The following CHST11 variants were observed in gnomAD, a reference collection of about 807,000 sequenced individuals.
The protein encoded by CHST11 is carbohydrate sulfotransferase 11.
In CHST11, 9 loss-of-function variants were observed where a neutral mutation model predicts 30.4. The ratio of observed to expected loss-of-function variants is 0.30; its 90% CI spans 0.18 to 0.52. The LOEUF (loss-of-function observed/expected upper bound fraction) is 0.52. Ranked by LOEUF, CHST11 falls within the 20% of genes least tolerant of loss-of-function variation. The probability of loss-of-function intolerance (pLI) is 0.97; values close to 1 mark genes in which losing one functional copy is unlikely to be tolerated. For missense variants in CHST11, 348 were observed against 460.6 expected, an observed-to-expected ratio of 0.76 and a Z score of 2.24; for synonymous variants, 152 against 187.8, an observed-to-expected ratio of 0.81 and a Z score of 1.56.
At chr12:104,646,368 A>T (rs1592814350) in intron 2 of CHST11, among the ~76,000 whole-genome samples, 1 of 152,132 alleles carries the variant, frequency 6.6e-6, no homozygotes, top group East Asian at 1.9e-4. Flanking sequence ...TTCTCAGGGT[A>T]CCTTTCCCTA....
chr12:104,630,470 G>A (rs771948475), intron 2 of CHST11, among the ~76,000 whole-genome samples: 2 of 152,358 alleles, frequency 1.3e-5, no homozygotes, highest in Non-Finnish European at 2.9e-5. Flanking sequence ...CTCCAGCCGA[G>A]CCAGTGGGCT....
At chr12:104,510,705 G>T (rs907053041) in intron 1 of CHST11, among the ~76,000 whole-genome samples, 2 of 152,178 alleles carry the variant, frequency 1.3e-5, no homozygotes, top group Non-Finnish European at 2.9e-5. Context: ...GTCTTGTTTG[G>T]CAGACAAAGC....
At chr12:104,655,188 G>T (rs900301453) in intron 2 of CHST11, among the ~76,000 whole-genome samples, 1 of 152,256 alleles carries the variant, frequency 6.6e-6, no homozygotes, top group South Asian at 2.1e-4. Flanking sequence ...GTTTCTGCAT[G>T]CCTTGCTTTT....
chr12:104,647,032 A>G (rs1348155364), intron 2 of CHST11, among the ~76,000 whole-genome samples: 1 of 152,172 alleles, frequency 6.6e-6, no homozygotes, highest in Non-Finnish European at 1.5e-5. Flanking sequence ...TCTCACATAC[A>G]CTTTTAATGA....
intron 2 of CHST11, among the ~76,000 whole-genome samples, chr12:104,618,224 C>CTT (rs1375360622): frequency 2.7e-5 from 2 of 73,396 alleles, no homozygotes; most frequent in Admixed American, 2.6e-4. Flanking sequence ...CTTTTCTTTT[C>CTT]TTTTTTTTTT....
intron 1 of CHST11, among the ~76,000 whole-genome samples, chr12:104,472,485 G>A (rs2037520681): frequency 6.6e-6 from 1 of 152,144 alleles, no homozygotes; most frequent in African/African-American, 2.4e-5. Context: ...TCTGAAGCTT[G>A]ATTGTGCTAT....
intron 1 of CHST11, among the ~76,000 whole-genome samples, chr12:104,588,229 G>A (rs1304719494): frequency 6.6e-6 from 1 of 152,136 alleles, no homozygotes; most frequent in East Asian, 1.9e-4. Flanking sequence ...GAAACTCTGT[G>A]TCTATTTATT....
chr12:104,710,539 C>T (rs1454972708), intron 2 of CHST11, among the ~76,000 whole-genome samples: 1 of 152,172 alleles, frequency 6.6e-6, no homozygotes, highest in Non-Finnish European at 1.5e-5. Flanking sequence ...CAGGCCCAAG[C>T]ATGACCCCTC....
rs183638651 is a variant in CHST11, at chr12:104,599,301, A to G, written c.119-2605A>G. Among the ~76,000 whole-genome samples the G allele has an allele frequency of 4.3e-3, 649 of 152,298 alleles. 7 individuals are homozygous for G. Among genetic ancestry groups the G allele is most frequent in the African/African-American group, 0.014 (595 of 41,568 alleles). ...TTGTATTAGACAAATAAACCAATTA[A>G]ATAATACTGCCCCCCATAAAAGCAG... On this transcript the variant is annotated intron_variant, in intron 1 of 2. Coordinates refer to ENST00000303694, the MANE Select transcript of CHST11 (RefSeq NM_018413.6).
intron 1 of CHST11, among the ~76,000 whole-genome samples, chr12:104,510,565 T>C (rs1411579064): frequency 6.6e-6 from 1 of 152,222 alleles, no homozygotes; most frequent in Non-Finnish European, 1.5e-5. Context: ...GAATTTAATG[T>C]GCAGGGAGTG....
Position 104,569,522 on chromosome 12 carries a change from A to C in CHST11, c.119-32384A>C, listed in dbSNP as rs537279792. 3.9e-5 allele frequency among the ~76,000 whole-genome samples: 6 copies of C among 152,338 alleles called. No individual in the cohort carries two copies. The South Asian group carries it at 1.2e-3, about 32-fold the overall frequency. On this transcript the variant is annotated intron_variant, in intron 1 of 2. Coordinates refer to ENST00000303694, the MANE Select transcript of CHST11 (RefSeq NM_018413.6). Reference sequence around the variant, plus strand: ...ATGTCTGAGTCCATTTTGCATCTTCATCACACAGAGCTCTGTGGCTGAGTG... The same window carrying C: ...ATGTCTGAGTCCATTTTGCATCTTCCTCACACAGAGCTCTGTGGCTGAGTG...
chr12:104,732,536 T>C (rs951010290), intron 2 of CHST11, among the ~76,000 whole-genome samples: 1 of 152,216 alleles, frequency 6.6e-6, no homozygotes, highest in African/African-American at 2.4e-5. Context: ...TCCTCACGTC[T>C]CTTCTCCCTT....
chr12:104,506,775 T>C (rs1462835405), intron 1 of CHST11, among the ~76,000 whole-genome samples: 1 of 152,204 alleles, frequency 6.6e-6, no homozygotes, highest in Non-Finnish European at 1.5e-5. Context: ...CCTTTTATTT[T>C]GGCAAGGGCT....
chr12:104,532,965 A>G (rs2038200605), intron 1 of CHST11, among the ~76,000 whole-genome samples: 1 of 152,160 alleles, frequency 6.6e-6, no homozygotes, highest in Admixed American at 6.5e-5. Flanking sequence ...TTTTAGAGAT[A>G]GGTTCTCGCT....
intron 2 of CHST11, among the ~76,000 whole-genome samples, chr12:104,625,920 T>A (rs2039209965): frequency 6.6e-6 from 1 of 152,226 alleles, no homozygotes; most frequent in African/African-American, 2.4e-5. Context: ...TGAAACAAAT[T>A]AATAGTGTGA....
chr12:104,547,755 T>C (rs2038365068), intron 1 of CHST11, among the ~76,000 whole-genome samples: 1 of 152,204 alleles, frequency 6.6e-6, no homozygotes, highest in East Asian at 1.9e-4. Flanking sequence ...TGGGTTTCAA[T>C]TTCCATAGCT....
chr12:104,459,265 A>G (rs2037385258), intron 1 of CHST11, among the ~76,000 whole-genome samples: 1 of 152,252 alleles, frequency 6.6e-6, no homozygotes, highest in Admixed American at 6.5e-5. Context: ...AGCCAGGGGT[A>G]TCTCAGAGTG....
intron 2 of CHST11, among the ~76,000 whole-genome samples, chr12:104,628,021 T>C (rs1407143938): frequency 2.0e-5 from 3 of 152,200 alleles, no homozygotes; most frequent in Non-Finnish European, 4.4e-5. Flanking sequence ...TTTCCTAAGG[T>C]CACACAGCTG....
chr12:104,719,092 G>A (rs1566052311), intron 2 of CHST11, among the ~76,000 whole-genome samples: 1 of 152,164 alleles, frequency 6.6e-6, no homozygotes, highest in Admixed American at 6.5e-5. Flanking sequence ...CTCTTGCTGG[G>A]TGAGGGCTGG....
Sources: gnomAD v4.1 joint callset for allele counts (sites outside exome capture counted in the v4.1 genomes callset) on GRCh38, gnomAD v4.1.1 for gene constraint, MANE v1.5 for transcripts, NCBI Gene and HGNC (gene_info 2026-07-23, HGNC 2026-07-21) for gene names.